The following MUC17 variants were observed in gnomAD, a reference collection of about 807,000 sequenced individuals.
The protein encoded by MUC17 is mucin 17, cell surface associated, also known as mucin-17.
In MUC17, 190 loss-of-function variants were observed where a neutral mutation model predicts 170.3. The ratio of observed to expected loss-of-function variants is 1.12; its 90% CI spans 0.99 to 1.26. The LOEUF (loss-of-function observed/expected upper bound fraction) is 1.26. Among genes scored for constraint, MUC17 ranks in the 50% most tolerant of loss-of-function variants. MUC17 has a pLI of 0.00. For missense variants in MUC17, 6,415 were observed against 5,530.0 expected, an observed-to-expected ratio of 1.16 and a Z score of -5.08; for synonymous variants, 2,325 against 2,002.5, an observed-to-expected ratio of 1.16 and a Z score of -4.30.
chr7:101,028,850 T>G (rs898113251), intron 1 of MUC17, among the ~76,000 whole-genome samples: 4 of 152,124 alleles, frequency 2.6e-5, no homozygotes, highest in Non-Finnish European at 5.9e-5. Context: ...ATTGCCCCAC[T>G]GCACTCCAGC....
rs10238202 is a variant in MUC17 at position 101,034,245 on chromosome 7, A to C, written c.2829A>C (p.Thr943=). 162,832 of 1,547,234 alleles carry C rather than the reference A, an allele frequency of 0.11. 1 individual carries two copies. The highest frequency in any genetic ancestry group is 0.23 in the African/African-American group (14,292 of 62,780). ...CGGTAGTCAGTTCTGAGGCTAGAAC[A>C]CTTTCAGCAACTCCTGTTGACACCA... ...TTPVVSSEAR[T]LSATPVDTST... Residue 943 remains threonine, a synonymous_variant, in exon 3 of 13, where the codon ACA becomes ACC. Coordinates refer to ENST00000306151, the MANE Select transcript of MUC17 (RefSeq NM_001040105.2).
chr7:101,039,029 C>T lies in MUC17; in HGVS notation c.7613C>T (p.Thr2538Ile). ...ASPEASTLST[T>I]PVDSNSPVVT... ...CCTGAGGCTAGCACCCTTTCAACAA[C>T]TCCTGTTGACTCCAACAGTCCTGTG... Residue 2538 changes from threonine to isoleucine, a missense_variant, in exon 3 of 13, where the codon ACT (threonine) becomes ATT (isoleucine). Coordinates refer to ENST00000306151, the MANE Select transcript of MUC17 (RefSeq NM_001040105.2). 2 of 1,613,936 alleles carry T rather than the reference C, an allele frequency of 1.2e-6. No individual in the cohort carries two copies. Among genetic ancestry groups the T allele is most frequent in the South Asian group, 1.1e-5 (1 of 91,054 alleles).
chr7:101,024,047 C>T (rs1794139476), intron 1 of MUC17, among the ~76,000 whole-genome samples: 1 of 152,048 alleles, frequency 6.6e-6, no homozygotes, highest in African/African-American at 2.4e-5. Flanking sequence ...TGAGAAGTGT[C>T]TGTTCATGGC....
intron 4 of MUC17, among the ~76,000 whole-genome samples, chr7:101,048,605 AGAAG>A (rs1202655326): frequency 3.3e-5 from 5 of 151,954 alleles, no homozygotes; most frequent in East Asian, 1.9e-4. Context: ...AAAAAAAGAA[AGAAG>A]GAAGGAAGGA....
rs2116437492 is a variant in MUC17 at position 101,038,135 on chromosome 7, T to C, written c.6719T>C (p.Leu2240Pro). The C allele has an allele frequency of 6.2e-7, 1 of 1,607,990 alleles. No individual in the cohort carries two copies. Among genetic ancestry groups the C allele is most frequent in the East Asian group, 2.3e-5 (1 of 44,368 alleles). Residue 2240 changes from leucine to proline, a missense_variant, in exon 3 of 13, where the codon CTT (leucine) becomes CCT (proline). By Grantham distance (98) the Leu-to-Pro change is moderately conservative. Transcript: ENST00000306151. ...GTAGTTACTTCTGAGGCTAGCACCC[T>C]TTCAGCAACTCCTGTTGACACCAGC... ...MPVVTSEASTLSATPVDTSTP... is the reference protein window; with the variant it reads ...MPVVTSEASTPSATPVDTSTP...
At position 101,050,500 on chromosome 7, in the gene MUC17, G is replaced by C; in HGVS notation, c.12739G>C (p.Val4247Leu). 6.2e-7 allele frequency: 1 copy of C among 1,613,858 alleles called. No individual in the cohort carries two copies. The highest frequency in any genetic ancestry group is 8.5e-7 in the Non-Finnish European group (1 of 1,179,842). The change falls in exon 7 of 13, where the codon GTG becomes CTG. Residue 4247 changes from valine (V) to leucine (L), a missense_variant. Val to Leu is a conservative substitution (Grantham distance 32). Coordinates refer to ENST00000306151, the MANE Select transcript of MUC17 (RefSeq NM_001040105.2). ...CCTCTTCAGTCTTGGCAGTGTGGTG[G>C]TGGAGCATGACGTCCTCCTAAGAAC... ...ITKLRLGSVV[V>L]EHDVLLRTKY...
chr7:101,051,137 G>A (rs965659730), intron 7 of MUC17, among the ~76,000 whole-genome samples: 5 of 151,826 alleles, frequency 3.3e-5, no homozygotes, highest in Non-Finnish European at 7.4e-5. Flanking sequence ...AGGCTGAGAC[G>A]GGCAGATCAC....
At chr7:101,052,945 C>A in intron 9 of MUC17, 41 bp from the exon 10 acceptor site, 1 of 1,590,718 alleles carries the variant, frequency 6.3e-7, no homozygotes, top group Non-Finnish European at 8.6e-7. Context: ...GGTGCTGACT[C>A]CGTTCTCTCT....
chr7:101,035,469 T>C lies in MUC17; in HGVS notation c.4053T>C (p.Ser1351=). Reference sequence around the variant, plus strand: ...CTGTCAACACCACACTGGTGGCCAGTTCTGCAATCAGCATCCTTTCAACAA... The same window carrying C: ...CTGTCAACACCACACTGGTGGCCAGCTCTGCAATCAGCATCCTTTCAACAA... ...SIPVNTTLVA[S]SAISILSTTP... Residue 1351 remains serine, a synonymous_variant, in exon 3 of 13, where the codon AGT becomes AGC. Transcript: ENST00000306151. 1.9e-6 allele frequency: 3 copies of C among 1,602,054 alleles called. No homozygotes were observed. Among genetic ancestry groups the C allele is most frequent in the Non-Finnish European group, 1.7e-6 (2 of 1,172,362 alleles).
At chr7:101,051,572 C>G in intron 7 of MUC17, 41 bp from the exon 8 acceptor site, 1 of 1,600,866 alleles carries the variant, frequency 6.2e-7, no homozygotes, top group Non-Finnish European at 8.5e-7. Flanking sequence ...GCAGAACAAG[C>G]GTGTATGTGT....
At chr7:101,053,280 C>T (rs1179076028) in intron 10 of MUC17, 59 bp from the exon 11 acceptor site, 2 of 1,588,324 alleles carry the variant, frequency 1.3e-6, no homozygotes, top group East Asian at 4.5e-5. Flanking sequence ...CAGCTTGTCC[C>T]TGGTCCTTAT....
In MUC17 at chr7:101,033,781, A is replaced by G; in HGVS notation, c.2365A>G (p.Thr789Ala). 1 of 1,614,038 alleles carries G rather than the reference A, an allele frequency of 6.2e-7. No individual in the cohort carries two copies. ...TTSTEASCSP[T>A]TTEGTSMPIS... ...TTCTACTGAAGCCAGTTGCTCTCCTACAACCACTGAAGGTACCAGCATGCC... is the reference window on the plus strand; with the variant it reads ...TTCTACTGAAGCCAGTTGCTCTCCTGCAACCACTGAAGGTACCAGCATGCC... The change falls in exon 3 of 13, where the codon ACA becomes GCA. Residue 789 changes from threonine to alanine, a missense_variant. Thr to Ala is a moderately conservative substitution (Grantham distance 58). Transcript: ENST00000306151.
chr7:101,041,819 C>T lies in MUC17; in HGVS notation c.10403C>T (p.Thr3468Met), dbSNP rs763016905. The change falls in exon 3 of 13, where the codon ACG becomes ATG. Residue 3468 changes from threonine to methionine, a missense_variant. By Grantham distance (81) the Thr-to-Met change is moderately conservative. Coordinates refer to ENST00000306151, the MANE Select transcript of MUC17 (RefSeq NM_001040105.2). ...TTATCAATTATGCCTCTCAGTACCA[C>T]GCCGGTGGCCAGTTCTGAGGCTAGC... ...TPLSIMPLST[T>M]PVASSEASTL... 46 of 1,613,948 alleles carry T rather than the reference C, an allele frequency of 2.9e-5. No individual in the cohort carries two copies. In the East Asian group the frequency reaches 2.9e-4, roughly 10 times the overall value.
rs921700582 is a variant in MUC17, at chr7:101,041,094, T to C, written c.9678T>C (p.Ser3226=). The change falls in exon 3 of 13, where the codon AGT becomes AGC. Residue 3226 remains serine (S), a synonymous_variant. Transcript: ENST00000306151. ...TPSEGMTPLT[S]VPVSNTPVAS... ...GTGAAGGAATGACTCCATTAACTAG[T>C]GTACCTGTCAGCAACACGCCGGTGG... 1 of 1,613,742 alleles carries C rather than the reference T, an allele frequency of 6.2e-7. No individual in the cohort carries two copies. Among genetic ancestry groups the C allele is most frequent in the African/African-American group, 1.3e-5 (1 of 74,834 alleles).
In MUC17 at chr7:101,038,772, T is replaced by G. The variant is rs1191380492; in HGVS notation, c.7356T>G (p.Ser2452Arg). ...CCAGCATACCAACCTCACCTCCTAG[T>G]GAAGGAACCACTCCGTTAGCAAGTA... ...EGTSIPTSPP[S>R]EGTTPLASMP... Residue 2452 changes from serine (S) to arginine (R), a missense_variant, in exon 3 of 13, where the codon AGT becomes AGG. Ser to Arg is a moderately radical substitution (Grantham distance 110, BLOSUM62 -1). Coordinates refer to ENST00000306151, the MANE Select transcript of MUC17 (RefSeq NM_001040105.2). The G allele has an allele frequency of 1.7e-5, 28 of 1,612,834 alleles. No homozygotes were observed. The highest frequency in any genetic ancestry group is 2.3e-5 in the Non-Finnish European group (27 of 1,179,198).
rs779129045 is a variant in MUC17, at chr7:101,033,902, C to A, written c.2486C>A (p.Thr829Asn). ...CCTGAGGCTAGCACCCTTTCAACAA[C>A]TCCTGTTGACTCCAACAGTCCTGTG... ...TSPEASTLST[T>N]PVDSNSPVTT... The change falls in exon 3 of 13, where the codon ACT becomes AAT. Residue 829 changes from threonine (T) to asparagine (N), a missense_variant. Physicochemically the swap from Thr to Asn is moderately conservative, Grantham distance 65. Transcript: ENST00000306151. The A allele has an allele frequency of 1.2e-6, 2 of 1,613,570 alleles. No homozygotes were observed. The highest frequency in any genetic ancestry group is 2.2e-5 in the South Asian group (2 of 91,044).
chr7:101,047,837 A>G, intron 3 of MUC17, 147 bp from the exon 4 acceptor site: 1 of 1,059,586 alleles, frequency 9.4e-7, no homozygotes. Context: ...GACTCAAAAA[A>G]CAAACAAATT....
chr7:101,034,848 T>G lies in MUC17; in HGVS notation c.3432T>G (p.Thr1144=). The part of the protein sequence containing the change: ...TSTEASSSPT[T]AEGTSIPTSP... Reference sequence around the variant, plus strand: ...CTGAAGCCAGTTCATCTCCTACAACTGCTGAAGGTACCAGCATACCAACCT... The same window carrying G: ...CTGAAGCCAGTTCATCTCCTACAACGGCTGAAGGTACCAGCATACCAACCT... The change falls in exon 3 of 13, where the codon ACT becomes ACG. Residue 1144 remains threonine, a synonymous_variant. Coordinates refer to ENST00000306151, the MANE Select transcript of MUC17 (RefSeq NM_001040105.2). The G allele has an allele frequency of 6.2e-7, 1 of 1,612,350 alleles. No homozygotes were observed. Among genetic ancestry groups the G allele is most frequent in the Non-Finnish European group, 8.5e-7 (1 of 1,179,398 alleles).
Position 101,033,868 on chromosome 7 carries a change from G to T in MUC17, c.2452G>T (p.Val818Leu), listed in dbSNP as rs760734712. ...AAGTATACCTGTCAGCATCACACCG[G>T]TGACCAGTCCTGAGGCTAGCACCCT... The part of the protein sequence containing the change: ...LTSIPVSITP[V>L]TSPEASTLST... Residue 818 changes from valine to leucine, a missense_variant, in exon 3 of 13, where the codon GTG becomes TTG. By Grantham distance (32) the Val-to-Leu change is conservative (BLOSUM62 1). Transcript: ENST00000306151. The T allele has an allele frequency of 4.3e-6, 7 of 1,612,476 alleles. No individual in the cohort carries two copies. The South Asian group carries it at 7.7e-5, about 18-fold the overall frequency.
Sources: gnomAD v4.1 joint callset for allele counts (sites outside exome capture counted in the v4.1 genomes callset) on GRCh38, gnomAD v4.1.1 for gene constraint, MANE v1.5 for transcripts, NCBI Gene and HGNC (gene_info 2026-07-23, HGNC 2026-07-21) for gene names.